Variants in ARHGAP26 observed in about 807,000 individuals in gnomAD.
ARHGAP26 encodes rho GTPase-activating protein 26.
Under a neutral mutation model 104.8 loss-of-function variants are expected in ARHGAP26, and 38 were observed. That is an observed-to-expected ratio of 0.36 (90% CI 0.28 to 0.48). ARHGAP26 has a LOEUF of 0.48. Ranked by LOEUF, ARHGAP26 falls within the 20% of genes least tolerant of loss-of-function variation. The pLI is 0.99. For missense variants in ARHGAP26, 704 were observed against 947.9 expected (o/e 0.74, Z 3.38); for synonymous variants, 341 against 340.0 (o/e 1.00, Z -0.03).
intron 17 of ARHGAP26, among the ~76,000 whole-genome samples, chr5:143,074,596 A>AGC (rs1371055901): frequency 6.6e-6 from 1 of 152,246 alleles, no homozygotes; most frequent in Non-Finnish European, 1.5e-5. Flanking sequence ...ATTGGAACAG[A>AGC]GCCATGCTCA....
At chr5:142,956,470 G>A (rs1040502165) in intron 11 of ARHGAP26, among the ~76,000 whole-genome samples, 3 of 152,010 alleles carry the variant, frequency 2.0e-5, no homozygotes, top group Non-Finnish European at 4.4e-5. Flanking sequence ...CCAGCTACTC[G>A]GGAAGCTGAG....
rs188864520 is a variant in ARHGAP26 at position 142,822,276 on chromosome 5, A to G, written c.155-51124A>G. Among the ~76,000 whole-genome samples, 254 of 152,336 alleles carry G rather than the reference A, an allele frequency of 1.7e-3. 1 individual carries two copies. The highest frequency in any genetic ancestry group is 3.4e-3 in the Middle Eastern group (1 of 294). ...GTGCTGCCTGATGACTCAGACTCAC[A>G]GTTAATAAATGCAGCATCTTTAGTT... On this transcript the variant is annotated intron_variant, in intron 1 of 22. Coordinates refer to ENST00000645722, the MANE Select transcript of ARHGAP26 (RefSeq NM_001135608.3).
chr5:143,128,385 A>G (rs138884501), intron 18 of ARHGAP26, among the ~76,000 whole-genome samples: 7 of 152,314 alleles, frequency 4.6e-5, no homozygotes, highest in East Asian at 1.9e-4. Context: ...CAAGCTGTCT[A>G]TATATACCCT....
intron 17 of ARHGAP26, among the ~76,000 whole-genome samples, chr5:143,094,767 G>A (rs1221183486): frequency 6.6e-6 from 1 of 152,130 alleles, no homozygotes; most frequent in Non-Finnish European, 1.5e-5. Flanking sequence ...AATTTAAAGA[G>A]AGTGATGGGG....
At position 143,224,235 on chromosome 5, in the gene ARHGAP26, T is replaced by C; in HGVS notation, c.*1789T>C. ...AGGCTTTGATTGCTGAAGAAGTATG[T>C]TTAAGAGGGAGAGAGGGGAGGCAAA... is the stretch of plus-strand genomic sequence containing the variant. On this transcript the variant is annotated 3_prime_UTR_variant, in exon 23 of 23. Transcript: ENST00000645722. The C allele has an allele frequency of 4.3e-6, 1 of 231,660 alleles. No homozygotes were observed. Among genetic ancestry groups the C allele is most frequent in the Non-Finnish European group, 8.6e-6 (1 of 116,810 alleles). The allele number at this position is 231,660 out of a possible 1,614,324, so 14.4% of individuals were successfully genotyped here.
intron 6 of ARHGAP26, among the ~76,000 whole-genome samples, chr5:142,895,281 A>G (rs1026791088): frequency 3.9e-4 from 59 of 151,774 alleles, no homozygotes; most frequent in African/African-American, 1.4e-3. Context: ...CCCAGGCTGG[A>G]GTGCAATGGT....
chr5:142,919,016 T>A (rs956201754), intron 10 of ARHGAP26, among the ~76,000 whole-genome samples: 4 of 152,220 alleles, frequency 2.6e-5, no homozygotes, highest in Admixed American at 6.5e-5. Context: ...CTCCAAAGGA[T>A]AATTTTAAAA....
intron 1 of ARHGAP26, among the ~76,000 whole-genome samples, chr5:142,836,428 G>T (rs139664108): frequency 1.4e-3 from 213 of 152,318 alleles, no homozygotes; most frequent in African/African-American, 5.0e-3. Flanking sequence ...GGAGCTCAAA[G>T]CCCTTTACCT....
chr5:143,072,450 C>T (rs1788410142), intron 17 of ARHGAP26, among the ~76,000 whole-genome samples: 1 of 152,188 alleles, frequency 6.6e-6, no homozygotes, highest in East Asian at 1.9e-4. Context: ...GACATCTGCA[C>T]ACTAATGTTT....
chr5:142,951,860 C>T (rs1768435134), intron 11 of ARHGAP26, among the ~76,000 whole-genome samples: 1 of 152,208 alleles, frequency 6.6e-6, no homozygotes, highest in Non-Finnish European at 1.5e-5. Context: ...TCACAACTTC[C>T]ACCAACTGGG....
At chr5:142,861,796 A>G (rs1753407297) in intron 1 of ARHGAP26, among the ~76,000 whole-genome samples, 2 of 152,218 alleles carry the variant, frequency 1.3e-5, no homozygotes, top group African/African-American at 4.8e-5. Context: ...CTTTTCACAC[A>G]GGTGGAAATT....
intron 14 of ARHGAP26, among the ~76,000 whole-genome samples, chr5:143,051,203 A>G (rs1437502696): frequency 6.6e-6 from 1 of 152,172 alleles, no homozygotes; most frequent in African/African-American, 2.4e-5. Context: ...TTCCTCCAAA[A>G]TATCCTTCAT....
chr5:143,193,822 A>G (rs756918278), intron 20 of ARHGAP26: 8 of 152,222 alleles, frequency 5.3e-5, no homozygotes, highest in Non-Finnish European at 8.8e-5. Flanking sequence ...ATCTCTTATT[A>G]TGCTTAAATG....
rs1811483118 is a variant in ARHGAP26 at position 143,224,254 on chromosome 5, AG to A, written c.*1810del. On this transcript the variant is annotated 3_prime_UTR_variant, in exon 23 of 23. Transcript: ENST00000645722. ...AGTATGTTTAAGAGGGAGAGAGGGG[AG>A]GCAAAGCTGAAGAGAGTCAAGGTCA... 4.3e-6 allele frequency: 1 copy of A among 231,868 alleles called. No individual in the cohort carries two copies. Among genetic ancestry groups the A allele is most frequent in the African/African-American group, 2.2e-5 (1 of 45,226 alleles). 14.4% of individuals were successfully genotyped at this position (231,868 alleles called of 1,614,324 possible).
intron 11 of ARHGAP26, among the ~76,000 whole-genome samples, chr5:142,975,760 T>C (rs992650642): frequency 1.3e-5 from 2 of 152,216 alleles, no homozygotes; most frequent in Admixed American, 1.3e-4. Context: ...AAGGATTTTA[T>C]AGGATAAAAG....
At chr5:143,122,147 T>C (rs1316173684) in intron 18 of ARHGAP26, among the ~76,000 whole-genome samples, 1 of 152,214 alleles carries the variant, frequency 6.6e-6, no homozygotes, top group Non-Finnish European at 1.5e-5. Flanking sequence ...TTAAGCCAGA[T>C]GGTATCAGTT....
At chr5:143,050,534 C>T (rs1408867645) in intron 14 of ARHGAP26, among the ~76,000 whole-genome samples, 1 of 152,106 alleles carries the variant, frequency 6.6e-6, no homozygotes, top group Non-Finnish European at 1.5e-5. Context: ...TTTTTTTATG[C>T]CCCTTATTTC....
chr5:142,781,797 C>T (rs562790985), intron 1 of ARHGAP26, among the ~76,000 whole-genome samples: 68 of 152,218 alleles, frequency 4.5e-4, no homozygotes, highest in South Asian at 2.1e-4. Flanking sequence ...CTGCAACCTC[C>T]GCCTCCCGGG....
intron 11 of ARHGAP26, among the ~76,000 whole-genome samples, chr5:142,996,851 G>A (rs1413480937): frequency 2.0e-5 from 3 of 152,148 alleles, no homozygotes; most frequent in Non-Finnish European, 4.4e-5. Flanking sequence ...TTCTAATTGT[G>A]GCTTATAGAA....
Sources: allele counts gnomAD v4.1 joint callset (sites outside exome capture counted in the v4.1 genomes callset), GRCh38; gene constraint gnomAD v4.1.1; transcripts MANE v1.5; gene names NCBI Gene and HGNC (gene_info 2026-07-23, HGNC 2026-07-21).